Variants in SOS1 observed in about 807,000 individuals in gnomAD.
SOS1 encodes SOS Ras/Rac guanine nucleotide exchange factor 1, also known as son of sevenless homolog 1.
A neutral mutation model predicts 157.6 loss-of-function variants in SOS1; 25 were observed. The ratio of observed to expected loss-of-function variants is 0.16; its 90% confidence interval spans 0.12 to 0.22. The LOEUF (loss-of-function observed/expected upper bound fraction) is 0.22. Among genes scored for constraint, SOS1 ranks in the 10% least tolerant of loss-of-function variants. The probability of loss-of-function intolerance (pLI) is 1.00; values close to 1 mark genes in which losing one functional copy is unlikely to be tolerated. For missense variants in SOS1, 1,237 were observed against 1,599.1 expected (o/e 0.77, Z 3.86); for synonymous variants, 528 against 534.0 (o/e 0.99, Z 0.16).
chr2:39,053,068 G>T (rs888690708), intron 5 of SOS1, among the ~76,000 whole-genome samples: 1 of 152,052 alleles, frequency 6.6e-6, no homozygotes, highest in East Asian at 1.9e-4. Flanking sequence ...CAGGAGAATC[G>T]CTTGAACCTG....
intron 1 of SOS1, among the ~76,000 whole-genome samples, chr2:39,095,817 T>C (rs1672749021): frequency 6.6e-6 from 1 of 152,154 alleles, no homozygotes; most frequent in Non-Finnish European, 1.5e-5. Flanking sequence ...TACAGAATGG[T>C]TGAGATAGAC....
At chr2:39,096,323 CA>C (rs1300688544) in intron 1 of SOS1, among the ~76,000 whole-genome samples, 1 of 152,188 alleles carries the variant, frequency 6.6e-6, no homozygotes, top group Non-Finnish European at 1.5e-5. Flanking sequence ...CTCAATTTTA[CA>C]TAAGTTTATT....
rs10190377 is a variant in SOS1, at chr2:39,023,532, A to G, written c.1203-307T>C. 0.78 allele frequency among the ~76,000 whole-genome samples: 118,721 copies of G among 151,932 alleles called. 49,258 individuals carry two copies. The highest frequency in any genetic ancestry group is 0.92 in the Non-Finnish European group (62,399 of 67,900). The stretch of plus-strand genomic sequence containing the variant: ...GACAACTAATAAAAAGTAGCCCAAT[A>G]CAGTAAAAAAAAGTAATCTGAAAGA... On this transcript the variant is annotated intron_variant, in intron 9 of 22. Coordinates refer to ENST00000402219, the MANE Select transcript of SOS1 (RefSeq NM_005633.4).
intron 1 of SOS1, among the ~76,000 whole-genome samples, chr2:39,107,624 A>C (rs1673248141): frequency 6.6e-6 from 1 of 151,248 alleles, no homozygotes; most frequent in African/African-American, 2.4e-5. Flanking sequence ...CTGGACTAAT[A>C]CAATGACAAA....
At chr2:39,078,530 G>A (rs1471501494) in intron 1 of SOS1, among the ~76,000 whole-genome samples, 1 of 142,072 alleles carries the variant, frequency 7.0e-6, no homozygotes, top group Non-Finnish European at 1.5e-5. Flanking sequence ...CAGAGCAGGT[G>A]AGCAGCCTAC....
intron 14 of SOS1, among the ~76,000 whole-genome samples, chr2:39,011,249 G>C (rs1007692184): frequency 1.3e-5 from 2 of 152,080 alleles, no homozygotes; most frequent in African/African-American, 4.8e-5. Flanking sequence ...TGTACTTTTA[G>C]CGTTCCTTTA....
At chr2:39,114,001 C>A (rs546846088) in intron 1 of SOS1, among the ~76,000 whole-genome samples, 1 of 152,226 alleles carries the variant, frequency 6.6e-6, no homozygotes, top group Non-Finnish European at 1.5e-5. Context: ...ACATAGTGAC[C>A]AATGACCCCT....
intron 11 of SOS1, 65 bp from the exon 12 acceptor site, chr2:39,014,054 A>G: frequency 7.8e-7 from 1 of 1,288,972 alleles, no homozygotes. Context: ...ATAGAAAACC[A>G]CAAACGTTTT....
rs1668496177 is a variant in SOS1, at chr2:38,984,545, T to C, written c.*1279A>G. ...AGATACCCATCCTATTCTAACCAAG[T>C]ATCTTCCTATATGCCAAGCTGTGAC... On this transcript the variant is annotated 3_prime_UTR_variant, in exon 23 of 23. Transcript: ENST00000402219. 1 of 152,198 alleles carries C rather than the reference T, an allele frequency of 6.6e-6. No individual in the cohort carries two copies. Among genetic ancestry groups the C allele is most frequent in the South Asian group, 2.1e-4 (1 of 4,834 alleles). 9.4% of individuals were successfully genotyped at this position (152,198 alleles called of 1,614,324 possible).
At chr2:39,082,857 A>C (rs547739824) in intron 1 of SOS1, among the ~76,000 whole-genome samples, 1 of 152,282 alleles carries the variant, frequency 6.6e-6, no homozygotes, top group African/African-American at 2.4e-5. Flanking sequence ...ATACACGTAG[A>C]CTGGGTGGTC....
At position 38,986,274 on chromosome 2, in the gene SOS1, A is replaced by C. The variant is rs200485215; in HGVS notation, c.3552T>G (p.Pro1184=). The C allele has an allele frequency of 3.7e-5, 59 of 1,613,558 alleles. No homozygotes were observed. In the East Asian group the frequency reaches 1.0e-3, roughly 27 times the overall value. ...AATAGGCTTTTGATGTGGGTTGCCTAGGAGGAATGGCTGGGGGACTGTCCA... is the reference window on the plus strand; with the variant it reads ...AATAGGCTTTTGATGTGGGTTGCCTCGGAGGAATGGCTGGGGGACTGTCCA... ...KHLDSPPAIP[P]RQPTSKAYSP... The change falls in exon 23 of 23, where the codon CCT becomes CCG. Residue 1184 remains proline, a synonymous_variant. Transcript: ENST00000402219.
intron 1 of SOS1, among the ~76,000 whole-genome samples, chr2:39,113,175 G>C (rs964710966): frequency 6.6e-6 from 1 of 152,056 alleles, no homozygotes; most frequent in Non-Finnish European, 1.5e-5. Flanking sequence ...GCCAGAGGTA[G>C]CATCACTTAG....
chr2:39,103,608 G>C (rs1265844162), intron 1 of SOS1, among the ~76,000 whole-genome samples: 5 of 152,168 alleles, frequency 3.3e-5, no homozygotes, highest in African/African-American at 1.2e-4. Context: ...AATGACGTTG[G>C]ACTCCTAACT....
At chr2:39,039,034 A>C (rs914529285) in intron 6 of SOS1, among the ~76,000 whole-genome samples, 1 of 152,138 alleles carries the variant, frequency 6.6e-6, no homozygotes, top group African/African-American at 2.4e-5. Context: ...AGCCATCAAC[A>C]TCAAGGCAAG....
At chr2:39,052,134 G>T (rs866360926) in intron 5 of SOS1, among the ~76,000 whole-genome samples, 2 of 151,996 alleles carry the variant, frequency 1.3e-5, no homozygotes, top group Admixed American at 1.3e-4. Context: ...TGCCTATTCT[G>T]GACTTTCCAT....
At chr2:38,998,891 A>G (rs1668993162) in intron 17 of SOS1, among the ~76,000 whole-genome samples, 1 of 152,186 alleles carries the variant, frequency 6.6e-6, no homozygotes, top group African/African-American at 2.4e-5. Context: ...CTGCAGGTAC[A>G]AAGATGAGAA....
chr2:39,044,311 C>G (rs1447396092), intron 6 of SOS1, among the ~76,000 whole-genome samples: 2 of 152,184 alleles, frequency 1.3e-5, no homozygotes, highest in African/African-American at 2.4e-5. Context: ...AAGATCACAC[C>G]TAGTATGTGT....
At chr2:39,070,636 A>G (rs1182357804) in intron 1 of SOS1, among the ~76,000 whole-genome samples, 4 of 152,204 alleles carry the variant, frequency 2.6e-5, no homozygotes, top group African/African-American at 9.6e-5. Context: ...TTCTACCAAA[A>G]TCTCAAACTT....
In SOS1 at chr2:39,054,779, T is replaced by C. The variant is rs771614273; in HGVS notation, c.555A>G (p.Ile185Met). ...MFHQDVEDIN[I>M]LSLTDEEPST... is the part of the protein sequence containing the mutation. Reference sequence around the variant, plus strand: ...AAGGCTCTTCGTCAGTTAAAGATAATATATTAATATCTTCTACATCTTGAT... The same window carrying C: ...AAGGCTCTTCGTCAGTTAAAGATAACATATTAATATCTTCTACATCTTGAT... The change falls in exon 5 of 23, where the codon ATA becomes ATG. Residue 185 changes from isoleucine (I) to methionine (M), a missense_variant. Ile to Met is a conservative substitution (Grantham distance 10, BLOSUM62 1). Coordinates refer to ENST00000402219, the MANE Select transcript of SOS1 (RefSeq NM_005633.4). The C allele has an allele frequency of 6.4e-7, 1 of 1,568,500 alleles. No individual in the cohort carries two copies. The highest frequency in any genetic ancestry group is 1.7e-5 in the Admixed American group (1 of 59,952).
Sources: gnomAD v4.1 joint callset for allele counts (sites outside exome capture counted in the v4.1 genomes callset) on GRCh38, gnomAD v4.1.1 for gene constraint, MANE v1.5 for transcripts, NCBI Gene and HGNC (gene_info 2026-07-23, HGNC 2026-07-21) for gene names.